The following CACNA1B variants were observed in gnomAD, a reference collection of about 807,000 sequenced individuals.
The protein encoded by CACNA1B is calcium voltage-gated channel subunit alpha1 B.
Under a neutral mutation model 247.2 loss-of-function variants are expected in CACNA1B, and 70 were observed. The ratio of observed to expected loss-of-function variants is 0.28; its 90% CI spans 0.23 to 0.35. The LOEUF is 0.35. Among genes scored for constraint, CACNA1B ranks in the 10% least tolerant of loss-of-function variants. The pLI, the probability that CACNA1B is intolerant of heterozygous loss-of-function variation, is 1.00. For synonymous variants in CACNA1B, 1,231 were observed against 1,294.4 expected, an observed-to-expected ratio of 0.95 and a Z score of 1.05; for missense variants, 2,367 against 3,197.4, an observed-to-expected ratio of 0.74 and a Z score of 6.26.
rs1960192288 is a variant in CACNA1B at position 138,073,314 on chromosome 9, A to G, written c.4675-174A>G. On this transcript the variant is annotated intron_variant, in intron 32 of 46. Coordinates refer to ENST00000371372, the MANE Select transcript of CACNA1B (RefSeq NM_000718.4). The surrounding 1 kb of genome is among the most constrained non-coding windows in gnomAD (Gnocchi z 6.4). ...CAAGGACAAGCTTTACTTCTGGAAG[A>G]TTTTCTGGTGGCCGATTGCTGCTTA... Among the ~76,000 whole-genome samples the G allele has an allele frequency of 6.6e-6, 1 of 152,094 alleles. No homozygotes were observed. The highest frequency in any genetic ancestry group is 2.4e-5 in the African/African-American group (1 of 41,400).
At chr9:138,022,874 G>A (rs1234472390) in intron 18 of CACNA1B, 137 bp from the exon 19 acceptor site, 1 of 1,175,656 alleles carries the variant, frequency 8.5e-7, no homozygotes, top group Non-Finnish European at 1.1e-6. Context: ...CGTCCCCCGA[G>A]GGGTGTGGGG....
rs1390091519 is a variant in CACNA1B at position 138,012,497 on chromosome 9, A to G, written c.2161-632A>G. ...GGTAGCTAACACCTGTACTCCCAGC[A>G]CTTTGGGAGGCCGAGGTGGGAGGAT... is the stretch of plus-strand genomic sequence containing the variant. On this transcript the variant is annotated intron_variant, in intron 17 of 46. Transcript: ENST00000371372. The surrounding 1 kb of genome is among the most constrained non-coding windows in gnomAD (Gnocchi z 4.2). Among the ~76,000 whole-genome samples, 1 of 152,078 alleles carries G rather than the reference A, an allele frequency of 6.6e-6. No homozygotes were observed. The highest frequency in any genetic ancestry group is 2.4e-5 in the African/African-American group (1 of 41,420).
intron 31 of CACNA1B, 81 bp from the exon 32 acceptor site, chr9:138,069,677 G>A: frequency 1.9e-6 from 2 of 1,034,518 alleles, no homozygotes; most frequent in Non-Finnish European, 3.0e-6. Flanking sequence ...GTCTCCGTCT[G>A]TATGTTGTGC....
intron 10 of CACNA1B, among the ~76,000 whole-genome samples, chr9:137,958,498 C>T (rs1375284461): frequency 6.6e-6 from 1 of 152,206 alleles, no homozygotes; most frequent in Non-Finnish European, 1.5e-5. Context: ...TCTAGCCCCC[C>T]TTGTCGGGTG....
Position 138,059,861 on chromosome 9 carries a change from A to T in CACNA1B, c.4668+124A>T, listed in dbSNP as rs948776425. On this transcript the variant is annotated intron_variant, in intron 31 of 46. Coordinates refer to ENST00000371372, the MANE Select transcript of CACNA1B (RefSeq NM_000718.4). This position sits in a 1 kb window ranked among gnomAD's most constrained non-coding sequence, Gnocchi z 4.2. ...CTGGGTTCCGCAGAACCCCCTGGAC[A>T]TGTGGAGGCTTCGCTCCAGGGGTGG... 3.0e-6 allele frequency: 2 copies of T among 663,558 alleles called. No homozygotes were observed. The highest frequency in any genetic ancestry group is 5.2e-5 in the East Asian group (2 of 38,522). 41.1% of individuals were successfully genotyped at this position (663,558 alleles called of 1,614,324 possible). A position where few individuals can be genotyped will look rare whatever the true frequency, so the allele number is the denominator to read the frequency against.
intron 15 of CACNA1B, among the ~76,000 whole-genome samples, chr9:137,998,774 G>GTATT (rs1958529745): frequency 6.6e-6 from 1 of 152,152 alleles, no homozygotes; most frequent in Non-Finnish European, 1.5e-5. Context: ...ACCAAAAACA[G>GTATT]GCAGAATTAC....
chr9:137,905,381 A>T (rs1436506276), intron 3 of CACNA1B, among the ~76,000 whole-genome samples: 1 of 152,054 alleles, frequency 6.6e-6, no homozygotes, highest in Non-Finnish European at 1.5e-5. Context: ...TTTAGATTCA[A>T]CTTATGAAAA....
Position 138,121,818 on chromosome 9 carries a change from T to A in CACNA1B, c.6839T>A (p.Phe2280Tyr), listed in dbSNP as rs573013833. The change falls in exon 47 of 47, where the codon TTC becomes TAC. Residue 2280 changes from phenylalanine (F) to tyrosine (Y), a missense_variant. Phe to Tyr is a conservative substitution (Grantham distance 22, BLOSUM62 3). Transcript: ENST00000371372. This position sits in a 1 kb window ranked among gnomAD's most constrained non-coding sequence, Gnocchi z 6.8. Reference sequence around the variant, plus strand: ...GCCCTGCCTGAGGACACTCTCACTTTCGAGGAGGCTGTGGCCACCAACTCG... The same window carrying A: ...GCCCTGCCTGAGGACACTCTCACTTACGAGGAGGCTGTGGCCACCAACTCG... ...VHALPEDTLT[F>Y]EEAVATNSGR... 8 of 1,613,336 alleles carry A rather than the reference T, an allele frequency of 5.0e-6. No homozygotes were observed. In the African/African-American group the frequency reaches 1.1e-4, roughly 21 times the overall value.
At chr9:137,927,699 A>C (rs1288281593) in intron 6 of CACNA1B, among the ~76,000 whole-genome samples, 1 of 152,238 alleles carries the variant, frequency 6.6e-6, no homozygotes, top group African/African-American at 2.4e-5. Flanking sequence ...TCCCAATCTT[A>C]GGAAAAAGCA....
chr9:138,111,853 C>T (rs904975715), intron 39 of CACNA1B, among the ~76,000 whole-genome samples: 2 of 152,132 alleles, frequency 1.3e-5, no homozygotes, highest in African/African-American at 4.8e-5. Flanking sequence ...GACTGATGGC[C>T]GTCCTGTCCA....
intron 10 of CACNA1B, among the ~76,000 whole-genome samples, chr9:137,959,204 C>A (rs1043980666): frequency 6.6e-6 from 1 of 152,104 alleles, no homozygotes; most frequent in African/African-American, 2.4e-5. Flanking sequence ...ACCCGAGTAG[C>A]TGGGATTATA....
intron 20 of CACNA1B, among the ~76,000 whole-genome samples, chr9:138,043,341 A>G (rs2133471380): frequency 6.6e-6 from 1 of 152,312 alleles, no homozygotes; most frequent in Admixed American, 6.5e-5. Context: ...GGGAGACTGG[A>G]CAACGAGGTA....
chr9:137,920,753 TC>T (rs1295777395), intron 6 of CACNA1B, among the ~76,000 whole-genome samples: 1 of 152,232 alleles, frequency 6.6e-6, no homozygotes, highest in East Asian at 1.9e-4. Flanking sequence ...AGTGTTCAGA[TC>T]CATAGCTGCA....
chr9:138,033,162 C>T (rs1959005132), intron 20 of CACNA1B, among the ~76,000 whole-genome samples: 1 of 152,174 alleles, frequency 6.6e-6, no homozygotes, highest in African/African-American at 2.4e-5. Context: ...TTCCATTCTG[C>T]TGTGGAGCCC....
rs1436831762 is a variant in CACNA1B, at chr9:138,007,688, A to G, written c.2092+804A>G. On this transcript the variant is annotated intron_variant, in intron 16 of 46. Coordinates refer to ENST00000371372, the MANE Select transcript of CACNA1B (RefSeq NM_000718.4). The surrounding 1 kb of genome is among the most constrained non-coding windows in gnomAD (Gnocchi z 4.1). ...GGGGCCTGAGAATGTGCATTCTCAC[A>G]GGCTGCAGGGGGAGCCCGTGTTTCT... Among the ~76,000 whole-genome samples the G allele has an allele frequency of 6.6e-6, 1 of 152,138 alleles. No homozygotes were observed. Among genetic ancestry groups the G allele is most frequent in the African/African-American group, 2.4e-5 (1 of 41,428 alleles).
intron 31 of CACNA1B, among the ~76,000 whole-genome samples, chr9:138,061,315 C>T (rs921213566): frequency 1.3e-5 from 2 of 152,212 alleles, no homozygotes; most frequent in Non-Finnish European, 2.9e-5. Context: ...CTGTTTGAAC[C>T]AGGGCCTCTA....
chr9:137,896,357 T>G (rs540578228), intron 3 of CACNA1B, among the ~76,000 whole-genome samples: 1 of 152,316 alleles, frequency 6.6e-6, no homozygotes, highest in East Asian at 1.9e-4. Flanking sequence ...GACTGTTAGA[T>G]TTTATCAAAT....
chr9:138,046,251 T>C (rs932790739), intron 21 of CACNA1B, among the ~76,000 whole-genome samples: 5 of 152,184 alleles, frequency 3.3e-5, no homozygotes. Context: ...TCAGTAATGT[T>C]GAACAAGCGA....
chr9:137,972,190 A>G (rs1958160713), intron 11 of CACNA1B, among the ~76,000 whole-genome samples: 1 of 152,200 alleles, frequency 6.6e-6, no homozygotes, highest in Admixed American at 6.5e-5. Context: ...GGGCCCCTCC[A>G]GGCCTGGTCT....
Sources: allele counts gnomAD v4.1 joint callset (sites outside exome capture counted in the v4.1 genomes callset), GRCh38; gene constraint gnomAD v4.1.1; non-coding constraint Gnocchi (gnomAD v3.1); transcripts MANE v1.5; gene names NCBI Gene and HGNC (gene_info 2026-07-23, HGNC 2026-07-21).